Variants in DCHS2 observed in about 807,000 individuals in gnomAD.
The protein encoded by DCHS2 is protocadherin-23.
A neutral mutation model predicts 182.4 loss-of-function variants in DCHS2; 142 were observed. The observed-to-expected ratio is 0.78, with a 90% CI of 0.68 to 0.89. The LOEUF (loss-of-function observed/expected upper bound fraction) is 0.89, where lower values mean the gene tolerates loss of function less well. DCHS2 is among the 40% of genes least tolerant of loss of function. The pLI is 0.00. For synonymous variants in DCHS2, 1,740 were observed against 1,663.3 expected (o/e 1.05, Z -1.12); for missense variants, 4,319 against 4,198.6 (o/e 1.03, Z -0.79).
chr4:154,292,789 C>T (rs897513340), intron 13 of DCHS2, among the ~76,000 whole-genome samples: 1 of 152,196 alleles, frequency 6.6e-6, no homozygotes, highest in African/African-American at 2.4e-5. Context: ...TAGCCCCACT[C>T]CCAGCAGGTG....
intron 1 of DCHS2, among the ~76,000 whole-genome samples, chr4:154,464,792 G>A (rs1735169049): frequency 6.6e-6 from 1 of 152,150 alleles, no homozygotes. Context: ...GGCCTACAAA[G>A]GGTTGGGGAA....
At chr4:154,396,527 G>C (rs1234020370) in intron 1 of DCHS2, among the ~76,000 whole-genome samples, 1 of 152,098 alleles carries the variant, frequency 6.6e-6, no homozygotes, top group Non-Finnish European at 1.5e-5. Context: ...CTCTTAACTG[G>C]CTCTGAATTC....
chr4:154,264,569 G>A (rs193137234), intron 14 of DCHS2, among the ~76,000 whole-genome samples: 72 of 152,252 alleles, frequency 4.7e-4, no homozygotes, highest in Non-Finnish European at 6.5e-4. Flanking sequence ...AATGAATGGC[G>A]TTTAGATCAA....
chr4:154,384,813 A>G (rs1473950844), intron 1 of DCHS2, among the ~76,000 whole-genome samples: 1 of 152,180 alleles, frequency 6.6e-6, no homozygotes, highest in East Asian at 1.9e-4. Flanking sequence ...GATTGACCCC[A>G]GAGCCCCCAG....
intron 1 of DCHS2, among the ~76,000 whole-genome samples, chr4:154,409,727 A>C (rs1013791386): frequency 1.3e-5 from 2 of 152,162 alleles, no homozygotes; most frequent in African/African-American, 4.8e-5. Flanking sequence ...CCGTTGCTTA[A>C]GGGTCATGTC....
At chr4:154,343,597 TGCTA>T (rs1348224880) in intron 3 of DCHS2, 1 of 1,524,310 alleles carries the variant, frequency 6.6e-7, no homozygotes, top group East Asian at 2.5e-5. Flanking sequence ...AACCAACCTC[TGCTA>T]GCTTCAAATT....
At chr4:154,303,683 G>T (rs1010919311) in intron 12 of DCHS2, among the ~76,000 whole-genome samples, 1 of 152,260 alleles carries the variant, frequency 6.6e-6, no homozygotes, top group South Asian at 2.1e-4. Flanking sequence ...GAGGAACAAG[G>T]TTAGTAGGTG....
chr4:154,279,912 GA>G (rs954342390), intron 13 of DCHS2, among the ~76,000 whole-genome samples: 2 of 151,032 alleles, frequency 1.3e-5, no homozygotes, highest in Non-Finnish European at 3.0e-5. Flanking sequence ...AAAAACAATA[GA>G]AAAAAACAAT....
chr4:154,409,996 ACTAAGACCCACCTGTAGTGAAAG>A (rs1297075639), intron 1 of DCHS2, among the ~76,000 whole-genome samples: 1 of 152,156 alleles, frequency 6.6e-6, no homozygotes, highest in Non-Finnish European at 1.5e-5. Flanking sequence ...CAACTGGCAC[ACTAAGACCCACCTGTAGTGAAAG>A]TTTTTCCTTA....
At chr4:154,431,887 A>G (rs1399301410) in intron 1 of DCHS2, among the ~76,000 whole-genome samples, 1 of 152,234 alleles carries the variant, frequency 6.6e-6, no homozygotes, top group African/African-American at 2.4e-5. Context: ...TCCAATGAAC[A>G]TTTAAAAAAT....
At chr4:154,436,375 A>T (rs945583597) in intron 1 of DCHS2, among the ~76,000 whole-genome samples, 1 of 152,080 alleles carries the variant, frequency 6.6e-6, no homozygotes, top group Non-Finnish European at 1.5e-5. Flanking sequence ...TGATTGCTTG[A>T]TTTCTAATTT....
chr4:154,463,138 C>G (rs1735085531), intron 1 of DCHS2, among the ~76,000 whole-genome samples: 1 of 136,092 alleles, frequency 7.3e-6, no homozygotes, highest in African/African-American at 2.6e-5. Context: ...TATATACATA[C>G]TTATGTGTAT....
intron 1 of DCHS2, among the ~76,000 whole-genome samples, chr4:154,434,617 A>G (rs955476780): frequency 2.6e-5 from 4 of 152,154 alleles, no homozygotes; most frequent in African/African-American, 4.8e-5. Flanking sequence ...TTTTTTTATT[A>G]TAACTAACCT....
At chr4:154,240,880 T>C in intron 17 of DCHS2, 57 bp from the exon 18 acceptor site, 1 of 1,581,752 alleles carries the variant, frequency 6.3e-7, no homozygotes, top group South Asian at 1.2e-5. Flanking sequence ...TGAAATACAT[T>C]TCTTTAGTAG....
At chr4:154,418,916 T>A (rs1246142794) in intron 1 of DCHS2, among the ~76,000 whole-genome samples, 1 of 152,226 alleles carries the variant, frequency 6.6e-6, no homozygotes. Flanking sequence ...AATAAAGCTG[T>A]ATGCATAGAA....
chr4:154,272,019 A>C (rs879419146), intron 13 of DCHS2: 1 of 152,132 alleles, frequency 6.6e-6, no homozygotes, highest in South Asian at 2.1e-4. Flanking sequence ...AATTTCATAC[A>C]TTTGTGAATT....
chr4:154,259,852 T>TCAAAA, intron 14 of DCHS2, 96 bp from the exon 15 acceptor site: 2 of 1,326,142 alleles, frequency 1.5e-6, no homozygotes, highest in Non-Finnish European at 2.0e-6. Flanking sequence ...AGACAGAGTC[T>TCAAAA]CGCACTGTCG....
chr4:154,393,267 T>C (rs555877980), intron 1 of DCHS2, among the ~76,000 whole-genome samples: 2 of 152,294 alleles, frequency 1.3e-5, no homozygotes, highest in South Asian at 4.2e-4. Flanking sequence ...GCAAAGCCCA[T>C]TCCTTGCAAG....
intron 17 of DCHS2, 44 bp downstream of exon 17, chr4:154,242,598 T>G: frequency 6.3e-7 from 1 of 1,590,864 alleles, no homozygotes; most frequent in Non-Finnish European, 8.5e-7. Flanking sequence ...TAAATGATAT[T>G]ATACAAGTTA....
Sources: gnomAD v4.1 joint callset for allele counts (sites outside exome capture counted in the v4.1 genomes callset) on GRCh38, gnomAD v4.1.1 for gene constraint, MANE v1.5 for transcripts, NCBI Gene and HGNC (gene_info 2026-07-23, HGNC 2026-07-21) for gene names.